The following CTNNA3 variants were observed in gnomAD, a reference collection of about 807,000 sequenced individuals.
CTNNA3 encodes catenin alpha-3.
CTNNA3 carries 76 observed loss-of-function variants against 95.7 expected under a neutral mutation model. The observed-to-expected ratio is 0.79, with a 90% CI of 0.66 to 0.96. The LOEUF (loss-of-function observed/expected upper bound fraction) is 0.96, where lower values mean the gene tolerates loss of function less well. Ranked by LOEUF, CTNNA3 falls within the 40% of genes least tolerant of loss-of-function variation. The pLI, the probability that CTNNA3 is intolerant of heterozygous loss-of-function variation, is 0.00. For missense variants in CTNNA3, 1,191 were observed against 1,089.8 expected (o/e 1.09, Z -1.31); for synonymous variants, 431 against 374.4 (o/e 1.15, Z -1.74).
intron 9 of CTNNA3, among the ~76,000 whole-genome samples, chr10:66,710,749 T>C (rs1848264638): frequency 6.6e-6 from 1 of 151,976 alleles, no homozygotes; most frequent in African/African-American, 2.4e-5. Context: ...ATTTAAGATA[T>C]ATTAAAAGTA....
chr10:65,927,870 A>G (rs369634073), intron 17 of CTNNA3, among the ~76,000 whole-genome samples: 52 of 152,302 alleles, frequency 3.4e-4, no homozygotes, highest in African/African-American at 1.1e-3. Context: ...AGAAATTAAC[A>G]AACTGTTGAC....
At chr10:66,564,500 C>T (rs576105564) in intron 10 of CTNNA3, among the ~76,000 whole-genome samples, 1 of 152,242 alleles carries the variant, frequency 6.6e-6, no homozygotes, top group Non-Finnish European at 1.5e-5. Flanking sequence ...GTGATGATGC[C>T]ATTGGGATTT....
At chr10:67,374,375 G>A (rs536869918) in intron 5 of CTNNA3, among the ~76,000 whole-genome samples, 149 of 152,000 alleles carry the variant, frequency 9.8e-4, no homozygotes, top group African/African-American at 3.5e-3. Context: ...TCCATCAGTT[G>A]AACCTTGAAA....
chr10:67,206,074 A>G (rs1157041812), intron 6 of CTNNA3, among the ~76,000 whole-genome samples: 1 of 152,182 alleles, frequency 6.6e-6, no homozygotes, highest in Non-Finnish European at 1.5e-5. Flanking sequence ...CCTGGCTCCA[A>G]GTTACAAACT....
rs368868759 is a variant in CTNNA3 at position 66,551,365 on chromosome 10, C to T, written c.1375-30592G>A. On this transcript the variant is annotated intron_variant, in intron 10 of 17. Coordinates refer to ENST00000433211, the MANE Select transcript of CTNNA3 (RefSeq NM_013266.4). Reference sequence around the variant, plus strand: ...TCACTGCATTCCTGTAAGTAATATACGTATCAGTTTCCTCTAGCTGTTTTG... The same window carrying T: ...TCACTGCATTCCTGTAAGTAATATATGTATCAGTTTCCTCTAGCTGTTTTG... 3.9e-4 allele frequency among the ~76,000 whole-genome samples: 59 copies of T among 152,048 alleles called. 1 individual carries two copies. The South Asian group carries it at 0.011, about 28-fold the overall frequency.
intron 15 of CTNNA3, among the ~76,000 whole-genome samples, chr10:66,053,421 A>C (rs983053938): frequency 6.6e-6 from 1 of 152,036 alleles, no homozygotes; most frequent in Non-Finnish European, 1.5e-5. Context: ...CATACATGAC[A>C]TATTTTCATA....
intron 5 of CTNNA3, among the ~76,000 whole-genome samples, chr10:67,379,215 C>CA (rs1312851597): frequency 1.3e-5 from 2 of 151,998 alleles, no homozygotes; most frequent in Admixed American, 6.6e-5. Context: ...AATACTCATC[C>CA]AAAGACCACA....
intron 5 of CTNNA3, among the ~76,000 whole-genome samples, chr10:67,503,973 T>C (rs10997678): frequency 0.068 from 9,749 of 144,208 alleles, 440 homozygotes; most frequent in Admixed American, 0.088. Flanking sequence ...CTGGCTAACA[T>C]GGTGAAACCC....
chr10:66,478,580 A>AT (rs1257522865), intron 11 of CTNNA3, among the ~76,000 whole-genome samples: 7 of 151,922 alleles, frequency 4.6e-5, no homozygotes, highest in Non-Finnish European at 7.4e-5. Flanking sequence ...AATATAGCTA[A>AT]TTTTTTAAAA....
intron 7 of CTNNA3, among the ~76,000 whole-genome samples, chr10:66,784,342 T>A (rs1840656782): frequency 6.6e-6 from 1 of 152,170 alleles, no homozygotes; most frequent in Admixed American, 6.5e-5. Flanking sequence ...ATAGGATGCA[T>A]AAATATATTC....
At position 67,047,453 on chromosome 10, in the gene CTNNA3, G is replaced by A. The variant is rs561714066; in HGVS notation, c.1047+132864C>T. Among the ~76,000 whole-genome samples the A allele has an allele frequency of 5.5e-4, 83 of 152,210 alleles. 1 individual carries two copies. The highest frequency in any genetic ancestry group is 3.4e-3 in the Middle Eastern group (1 of 294). On this transcript the variant is annotated intron_variant, in intron 7 of 17. Coordinates refer to ENST00000433211, the MANE Select transcript of CTNNA3 (RefSeq NM_013266.4). ...TGAAAGAAAAACATTAAGGAAAGGA[G>A]TCGGAGGGAAAGTAAGAGTGTTACT...
At chr10:67,050,433 A>C (rs1319646440) in intron 7 of CTNNA3, among the ~76,000 whole-genome samples, 1 of 152,188 alleles carries the variant, frequency 6.6e-6, no homozygotes, top group Non-Finnish European at 1.5e-5. Context: ...AAATGACTTA[A>C]GAATATTAGA....
chr10:66,000,284 A>T (rs2078745438), intron 15 of CTNNA3, among the ~76,000 whole-genome samples: 1 of 150,900 alleles, frequency 6.6e-6, no homozygotes, highest in Admixed American at 6.7e-5. Flanking sequence ...CCCTGACCTC[A>T]TCTCATTTCT....
At chr10:66,496,873 A>G (rs1182777904) in intron 11 of CTNNA3, among the ~76,000 whole-genome samples, 1 of 152,138 alleles carries the variant, frequency 6.6e-6, no homozygotes, top group East Asian at 1.9e-4. Context: ...TCATTTTCTC[A>G]CATTTCTGGA....
chr10:67,328,316 G>C (rs936781473), intron 5 of CTNNA3, among the ~76,000 whole-genome samples: 1 of 152,184 alleles, frequency 6.6e-6, no homozygotes, highest in African/African-American at 2.4e-5. Flanking sequence ...AGGCTGCTCT[G>C]CAAGCAGGTG....
chr10:66,177,860 AT>A (rs1208029101), intron 13 of CTNNA3, among the ~76,000 whole-genome samples: 2 of 151,964 alleles, frequency 1.3e-5, no homozygotes, highest in African/African-American at 4.8e-5. Context: ...AATAAGAAAC[AT>A]TTTTGATTAT....
intron 15 of CTNNA3, among the ~76,000 whole-genome samples, chr10:66,053,404 T>C (rs2080005069): frequency 6.6e-6 from 1 of 152,052 alleles, no homozygotes; most frequent in Non-Finnish European, 1.5e-5. Context: ...GATGTGTATA[T>C]TTATGGCATA....
intron 2 of CTNNA3, among the ~76,000 whole-genome samples, chr10:67,624,803 G>C (rs1843973163): frequency 1.3e-5 from 2 of 152,180 alleles, no homozygotes; most frequent in Non-Finnish European, 2.9e-5. Flanking sequence ...AAGCAGACGA[G>C]AAAAATCAGT....
chr10:66,149,508 G>T (rs2084077712), intron 13 of CTNNA3, among the ~76,000 whole-genome samples: 1 of 150,924 alleles, frequency 6.6e-6, no homozygotes, highest in South Asian at 2.1e-4. Context: ...ATCATTTTGT[G>T]GAATTCACTA....
Sources: gnomAD v4.1 joint callset for allele counts (sites outside exome capture counted in the v4.1 genomes callset) on GRCh38, gnomAD v4.1.1 for gene constraint, MANE v1.5 for transcripts, NCBI Gene and HGNC (gene_info 2026-07-23, HGNC 2026-07-21) for gene names.